SMPD3: variants seen among roughly 807,000 people sequenced by gnomAD.
SMPD3 encodes sphingomyelin phosphodiesterase 3.
SMPD3 carries 21 observed loss-of-function variants against 55.7 expected under a neutral mutation model. That is an observed-to-expected ratio of 0.38 (90% CI 0.27 to 0.54). The LOEUF is 0.54. Among genes scored for constraint, SMPD3 ranks in the 20% least tolerant of loss-of-function variants. The pLI, the probability that SMPD3 is intolerant of heterozygous loss-of-function variation, is 0.80. For missense variants in SMPD3, 842 were observed against 899.6 expected, an observed-to-expected ratio of 0.94 and a Z score of 0.82; for synonymous variants, 457 against 404.3, an observed-to-expected ratio of 1.13 and a Z score of -1.56.
At chr16:68,386,857 C>T (rs941204976) in intron 1 of SMPD3, among the ~76,000 whole-genome samples, 198 bp from the exon 2 acceptor site, 4 of 152,148 alleles carry the variant, frequency 2.6e-5, no homozygotes, top group African/African-American at 9.7e-5. Flanking sequence ...AAGTGCAGTC[C>T]CAGTGGGTGG....
chr16:68,397,871 C>T (rs542545015), intron 1 of SMPD3, among the ~76,000 whole-genome samples: 9 of 152,318 alleles, frequency 5.9e-5, no homozygotes, highest in Admixed American at 1.3e-4. Context: ...CTGGCACCAC[C>T]CCAGAGGTGG....
rs1025738399 is a variant in SMPD3 at position 68,383,866 on chromosome 16, T to C, written c.-207+2732A>G. 2.6e-4 allele frequency among the ~76,000 whole-genome samples: 40 copies of C among 152,110 alleles called. 2 individuals carry two copies. Among genetic ancestry groups the C allele is most frequent in the Non-Finnish European group, 5.9e-5 (4 of 68,006 alleles). On this transcript the variant is annotated intron_variant, in intron 2 of 8. Transcript: ENST00000219334. ...ACCTCTTCCATACCCTGTCTCCTCT[T>C]CCCAGCTCACAATTCTGCCCCCTAG...
rs748014024 is a variant in SMPD3 at position 68,364,818 on chromosome 16, G to A, written c.1488C>T (p.Ala496=). Residue 496 remains alanine, a synonymous_variant, in exon 5 of 9, where the codon GCC becomes GCT. Coordinates refer to ENST00000219334, the MANE Select transcript of SMPD3 (RefSeq NM_018667.4). ...FRKSTSSSSA[A]NPEELVAFDV... ...CAAATGCCACCAGCTCCTCGGGGTT[G>A]GCTGCGCTGGACGAGGAGGTAGATT... 2.1e-5 allele frequency: 34 copies of A among 1,613,782 alleles called. No homozygotes were observed. Among genetic ancestry groups the A allele is most frequent in the Non-Finnish European group, 2.7e-5 (32 of 1,180,034 alleles).
intron 2 of SMPD3, among the ~76,000 whole-genome samples, chr16:68,378,043 G>A (rs1001012052): frequency 2.0e-5 from 3 of 152,198 alleles, no homozygotes; most frequent in African/African-American, 7.2e-5. Flanking sequence ...TCTGGCTCAT[G>A]TGCTTGCTGA....
intron 1 of SMPD3, among the ~76,000 whole-genome samples, chr16:68,442,674 TG>T (rs991797515): frequency 6.6e-6 from 1 of 152,248 alleles, no homozygotes; most frequent in African/African-American, 2.4e-5. Context: ...TTCCTGATCC[TG>T]TGTGCAAAGG....
chr16:68,401,383 C>G (rs576331643), intron 1 of SMPD3, among the ~76,000 whole-genome samples: 1 of 152,004 alleles, frequency 6.6e-6, no homozygotes, highest in East Asian at 1.9e-4. Flanking sequence ...GTGGTGATGC[C>G]CAGTAGGGAG....
At position 68,399,966 on chromosome 16, in the gene SMPD3, CA is replaced by C. The variant is rs530491497; in HGVS notation, c.-268-13308del. Among the ~76,000 whole-genome samples, 5 of 152,342 alleles carry C rather than the reference CA, an allele frequency of 3.3e-5. No homozygotes were observed. The South Asian group carries it at 8.3e-4, about 25-fold the overall frequency. On this transcript the variant is annotated intron_variant, in intron 1 of 8. Coordinates refer to ENST00000219334, the MANE Select transcript of SMPD3 (RefSeq NM_018667.4). ...CCAGGCACCAGTGTGGATGTCACCA[CA>C]CCTCTCCACTCTACTCCATAGCAGG...
At chr16:68,430,916 T>C (rs1290318280) in intron 1 of SMPD3, among the ~76,000 whole-genome samples, 1 of 152,200 alleles carries the variant, frequency 6.6e-6, no homozygotes, top group East Asian at 1.9e-4. Flanking sequence ...ACATGCCCTA[T>C]TGAATCATTT....
chr16:68,417,119 C>G (rs1268059247), intron 1 of SMPD3, among the ~76,000 whole-genome samples: 1 of 152,168 alleles, frequency 6.6e-6, no homozygotes, highest in Non-Finnish European at 1.5e-5. Context: ...CAAAATTAAG[C>G]CCTTTCTGAA....
intron 5 of SMPD3, 92 bp downstream of exon 5, chr16:68,364,659 C>A (rs2089421288): frequency 7.0e-7 from 1 of 1,420,132 alleles, no homozygotes; most frequent in South Asian, 1.4e-5. Flanking sequence ...AGCAGGAATT[C>A]TTTGAGCTGC....
chr16:68,409,229 C>T (rs2090277587), intron 1 of SMPD3, among the ~76,000 whole-genome samples: 1 of 152,240 alleles, frequency 6.6e-6, no homozygotes, highest in African/African-American at 2.4e-5. Context: ...TGCTCGAAAC[C>T]TTGCCCGGAG....
At chr16:68,399,230 C>T (rs989283831) in intron 1 of SMPD3, among the ~76,000 whole-genome samples, 1 of 152,158 alleles carries the variant, frequency 6.6e-6, no homozygotes, top group Non-Finnish European at 1.5e-5. Flanking sequence ...ACTGGCTAGG[C>T]TGTGCAGTGA....
intron 1 of SMPD3, among the ~76,000 whole-genome samples, chr16:68,397,451 G>A (rs1196923144): frequency 6.6e-6 from 1 of 152,210 alleles, no homozygotes; most frequent in Non-Finnish European, 1.5e-5. Flanking sequence ...GGATGATGGG[G>A]AACACCCCGG....
At chr16:68,372,495 T>C in intron 2 of SMPD3, 108 bp from the exon 3 acceptor site, 1 of 449,458 alleles carries the variant, frequency 2.2e-6, no homozygotes, top group Non-Finnish European at 4.1e-6. Context: ...CTGGTGTGAG[T>C]GGGACAGTTC....
chr16:68,419,003 G>C (rs1293220563), intron 1 of SMPD3, among the ~76,000 whole-genome samples: 4 of 152,172 alleles, frequency 2.6e-5, no homozygotes, highest in Non-Finnish European at 4.4e-5. Context: ...GATGGAGAGA[G>C]TGTGGCATGA....
intron 1 of SMPD3, among the ~76,000 whole-genome samples, chr16:68,444,470 C>T (rs2090594502): frequency 6.6e-6 from 1 of 152,190 alleles, no homozygotes; most frequent in Admixed American, 6.5e-5. Flanking sequence ...CAGAACTGCT[C>T]ACAAGATTTA....
chr16:68,423,349 T>C (rs951297413), intron 1 of SMPD3, among the ~76,000 whole-genome samples: 5 of 152,302 alleles, frequency 3.3e-5, no homozygotes, highest in African/African-American at 7.2e-5. Context: ...CAAATTCATA[T>C]ATTGATGGCA....
chr16:68,430,417 T>C (rs1001688165), intron 1 of SMPD3, among the ~76,000 whole-genome samples: 12 of 152,190 alleles, frequency 7.9e-5, no homozygotes, highest in Non-Finnish European at 1.3e-4. Context: ...ATTTCATAGA[T>C]GTCAATAAAC....
intron 1 of SMPD3, among the ~76,000 whole-genome samples, chr16:68,390,575 C>T (rs571089132): frequency 3.9e-5 from 6 of 152,262 alleles, no homozygotes; most frequent in African/African-American, 7.2e-5. Context: ...GTGGGAAGAT[C>T]GCTGGAGCCC....
Sources: allele counts gnomAD v4.1 joint callset (sites outside exome capture counted in the v4.1 genomes callset), GRCh38; gene constraint gnomAD v4.1.1; transcripts MANE v1.5; gene names NCBI Gene and HGNC (gene_info 2026-07-23, HGNC 2026-07-21).